SCHIP1: variants seen among roughly 807,000 people sequenced by gnomAD.
SCHIP1 encodes the protein schwannomin interacting protein 1, also known as schwannomin-interacting protein 1.
SCHIP1 carries 8 observed loss-of-function variants against 29.7 expected under a neutral mutation model. That is an observed-to-expected ratio of 0.27 (90% CI 0.16 to 0.49). The LOEUF is 0.49. Among genes scored for constraint, SCHIP1 ranks in the 20% least tolerant of loss-of-function variants. The pLI is 0.99. For synonymous variants in SCHIP1, 76 were observed against 94.9 expected, an observed-to-expected ratio of 0.80 and a Z score of 1.16; for missense variants, 193 against 294.6, an observed-to-expected ratio of 0.66 and a Z score of 2.52.
the SCHIP1 span, among the ~76,000 whole-genome samples, chr3:159,802,263 A>G: frequency 6.6e-6 from 1 of 152,236 alleles, no homozygotes; most frequent in Non-Finnish European, 1.5e-5. Context: ...GTCACTTACC[A>G]AGGTCACATT....
At chr3:159,801,994 G>A in the SCHIP1 span, among the ~76,000 whole-genome samples, 4 of 151,948 alleles carry the variant, frequency 2.6e-5, no homozygotes, top group African/African-American at 9.7e-5. Context: ...AAGTCTTAAG[G>A]AAGTTAAGGC....
chr3:159,693,345 A>G, the SCHIP1 span, among the ~76,000 whole-genome samples: 2 of 150,134 alleles, frequency 1.3e-5, no homozygotes, highest in East Asian at 3.9e-4. Flanking sequence ...ATACGCACAC[A>G]TATATATATA....
chr3:159,363,775 A>G, the SCHIP1 span, among the ~76,000 whole-genome samples: 1 of 152,222 alleles, frequency 6.6e-6, no homozygotes, highest in Admixed American at 6.5e-5. Flanking sequence ...TGACATTGTC[A>G]TGTGAAGGTC....
At chr3:159,576,252 A>T in the SCHIP1 span, among the ~76,000 whole-genome samples, 3 of 152,188 alleles carry the variant, frequency 2.0e-5, no homozygotes, top group Admixed American at 2.0e-4. Flanking sequence ...ATGTCAACTA[A>T]AAATTTTAAA....
chr3:159,765,223 C>A, the SCHIP1 span: 1 of 1,392,406 alleles, frequency 7.2e-7, no homozygotes, highest in Non-Finnish European at 9.5e-7. Context: ...CCTGCGCTCC[C>A]GCCCGCCCGC....
At chr3:159,629,847 C>T in the SCHIP1 span, among the ~76,000 whole-genome samples, 19 of 152,142 alleles carry the variant, frequency 1.2e-4, no homozygotes, top group Non-Finnish European at 1.8e-4. Context: ...AATACAAAGA[C>T]CAATAAGGCA....
chr3:159,389,528 T>G, the SCHIP1 span, among the ~76,000 whole-genome samples: 7 of 152,038 alleles, frequency 4.6e-5, no homozygotes, highest in African/African-American at 1.7e-4. Context: ...ATTCCACTTA[T>G]AGAAAATTCT....
the SCHIP1 span, among the ~76,000 whole-genome samples, chr3:159,353,758 A>T: frequency 6.6e-6 from 1 of 152,192 alleles, no homozygotes; most frequent in Admixed American, 6.5e-5. Flanking sequence ...TAGCCCTTGT[A>T]GTAGTAATAA....
At chr3:159,774,018 A>G in the SCHIP1 span, among the ~76,000 whole-genome samples, 20,786 of 152,254 alleles carry the variant, frequency 0.14, 1,645 homozygotes, top group Middle Eastern at 0.29. Flanking sequence ...ACTTACTTGT[A>G]CTTAGAATTT....
chr3:159,384,252 A>G, the SCHIP1 span, among the ~76,000 whole-genome samples: 1 of 151,300 alleles, frequency 6.6e-6, no homozygotes, highest in South Asian at 2.1e-4. Flanking sequence ...GGTTTGTCAT[A>G]GATAGCTCTT....
At chr3:159,524,128 GGATT>G in the SCHIP1 span, among the ~76,000 whole-genome samples, 229 of 152,274 alleles carry the variant, frequency 1.5e-3, no homozygotes, top group African/African-American at 5.4e-3. Context: ...TGTTCGTCAA[GGATT>G]CATTGAAATC....
At chr3:159,648,364 C>A in the SCHIP1 span, among the ~76,000 whole-genome samples, 1 of 152,120 alleles carries the variant, frequency 6.6e-6, no homozygotes, top group Non-Finnish European at 1.5e-5. Flanking sequence ...TCTCTACCAC[C>A]TGTTATATAA....
chr3:159,811,812 C>T, the SCHIP1 span, among the ~76,000 whole-genome samples: 1 of 152,102 alleles, frequency 6.6e-6, no homozygotes, highest in East Asian at 1.9e-4. Context: ...TTGTCAATTC[C>T]TGCCCAAAAG....
the SCHIP1 span, among the ~76,000 whole-genome samples, chr3:159,373,866 G>A: frequency 6.6e-6 from 1 of 152,070 alleles, no homozygotes; most frequent in Non-Finnish European, 1.5e-5. Flanking sequence ...TGGCTACTAT[G>A]AACACTGTTG....
the SCHIP1 span, among the ~76,000 whole-genome samples, chr3:159,686,693 A>G: frequency 6.6e-6 from 1 of 152,234 alleles, no homozygotes; most frequent in Non-Finnish European, 1.5e-5. Flanking sequence ...ATAATAATCC[A>G]TATGAGAAAT....
At chr3:159,342,752 A>T in the SCHIP1 span, among the ~76,000 whole-genome samples, 1 of 152,214 alleles carries the variant, frequency 6.6e-6, no homozygotes, top group Non-Finnish European at 1.5e-5. Context: ...AATGCTTCAC[A>T]TGGTGCCAAA....
At chr3:159,590,842 T>C in the SCHIP1 span, among the ~76,000 whole-genome samples, 23 of 152,208 alleles carry the variant, frequency 1.5e-4, no homozygotes, top group African/African-American at 5.5e-4. Context: ...TTTCTCAACC[T>C]CATTTTTATT....
At chr3:159,502,188 G>A in the SCHIP1 span, among the ~76,000 whole-genome samples, 1 of 152,188 alleles carries the variant, frequency 6.6e-6, no homozygotes, top group South Asian at 2.1e-4. Context: ...AGCTCACTTG[G>A]GACAAAGACA....
the SCHIP1 span, among the ~76,000 whole-genome samples, chr3:159,537,000 G>C: frequency 6.6e-6 from 1 of 152,230 alleles, no homozygotes; most frequent in Non-Finnish European, 1.5e-5. Context: ...ATAATGTCAT[G>C]TTGGTAGTTT....
Sources: allele counts gnomAD v4.1 joint callset (sites outside exome capture counted in the v4.1 genomes callset), GRCh38; gene constraint gnomAD v4.1.1; transcripts MANE v1.5; gene names NCBI Gene and HGNC (gene_info 2026-07-23, HGNC 2026-07-21).